The following MUC4 variants were observed in gnomAD, a reference collection of about 807,000 sequenced individuals.
The protein encoded by MUC4 is mucin 4, cell surface associated.
MUC4 carries 202 observed loss-of-function variants against 257.9 expected under a neutral mutation model. The observed-to-expected ratio is 0.78, with a 90% CI of 0.70 to 0.88. The LOEUF (loss-of-function observed/expected upper bound fraction) is 0.88. Among genes scored for constraint, MUC4 ranks in the 40% least tolerant of loss-of-function variants. MUC4 has a pLI of 0.00. For missense variants in MUC4, 5,976 were observed against 6,513.7 expected, an observed-to-expected ratio of 0.92 and a Z score of 2.84; for synonymous variants, 2,351 against 2,757.1, an observed-to-expected ratio of 0.85 and a Z score of 4.62.
chr3:195,787,747 G>GCA lies in MUC4; in HGVS notation c.3832_3833insTG (p.Thr1278MetfsTer167). On this transcript the variant is annotated frameshift_variant, in exon 2 of 25. Coordinates refer to ENST00000463781, the MANE Select transcript of MUC4 (RefSeq NM_018406.7). LOFTEE classifies it high-confidence loss of function. ...AGTGCTAGTGACAGGAAGAGGCGTGGTGTCACCTGTGGATACTGAGGAAGT... is the reference window on the plus strand; with the variant it reads ...AGTGCTAGTGACAGGAAGAGGCGTGGCATGTCACCTGTGGATACTGAGGAAGT... The GCA allele has an allele frequency of 1.8e-6, 1 of 561,532 alleles. No homozygotes were observed. The highest frequency in any genetic ancestry group is 2.7e-6 in the Non-Finnish European group (1 of 367,826). 34.8% of individuals were successfully genotyped at this position (561,532 alleles called of 1,614,324 possible). A position where few individuals can be genotyped will look rare whatever the true frequency, so the allele number is the denominator to read the frequency against.
At position 195,767,745 on chromosome 3, in the gene MUC4, TCGCCAC is replaced by T. The variant is rs1421146638; in HGVS notation, c.13530-1000_13530-995del. Among the ~76,000 whole-genome samples, 67 of 12,740 alleles carry T rather than the reference TCGCCAC, an allele frequency of 5.3e-3. 1 individual carries two copies. Among genetic ancestry groups the T allele is most frequent in the Non-Finnish European group, 7.0e-3 (49 of 6,976 alleles). The allele number at this position is 12,740 out of a possible 152,430, so 8.4% of individuals were successfully genotyped here. A position where few individuals can be genotyped will look rare whatever the true frequency, so the allele number is the denominator to read the frequency against. On this transcript the variant is annotated intron_variant, in intron 7 of 24. Coordinates refer to ENST00000463781, the MANE Select transcript of MUC4 (RefSeq NM_018406.7). Reference sequence around the variant, plus strand: ...ACCACCATCACCACCACCATCACCATCGCCACCACCACCATCACCACCACCACCACC... The same window carrying T: ...ACCACCATCACCACCACCATCACCATCACCACCATCACCACCACCACCACC...
At chr3:195,797,266 TTAAA>T (rs58592665) in intron 1 of MUC4, among the ~76,000 whole-genome samples, 4 of 149,584 alleles carry the variant, frequency 2.7e-5, no homozygotes, top group Non-Finnish European at 5.9e-5. Context: ...GGACTCTATC[TTAAA>T]TAAATAAATA....
rs552160689 is a variant in MUC4 at position 195,756,417 on chromosome 3, C to T, written c.15168+730G>A. ...GAGCTGTGGGGCGCTGTGAGAAAGA[C>T]GGAGGTGGAAGTTTCCTGCCAACCT... On this transcript the variant is annotated intron_variant, in intron 18 of 24. Transcript: ENST00000463781. 2.2e-4 allele frequency among the ~76,000 whole-genome samples: 34 copies of T among 152,338 alleles called. No individual in the cohort carries two copies. In the East Asian group the frequency reaches 5.8e-3, roughly 26 times the overall value.
rs1720198219 is a variant in MUC4, at chr3:195,765,257, AAGG to A, written c.13798+10_13798+12del. ...GGTGGGTGGGCTTGTGGGGGGCGGG[AAGG>A]AGGTGTCACCTATGCTGACGGGTTG... On this transcript the variant is annotated intron_variant, in intron 9 of 24. Transcript: ENST00000463781. The A allele has an allele frequency of 1.9e-6, 3 of 1,601,532 alleles. No homozygotes were observed. Among genetic ancestry groups the A allele is most frequent in the Non-Finnish European group, 2.6e-6 (3 of 1,171,742 alleles).
Position 195,774,190 on chromosome 3 carries a change from A to G in MUC4, c.13059T>C (p.Ser4353=), listed in dbSNP as rs774212238. The G allele has an allele frequency of 1.9e-6, 3 of 1,607,982 alleles. No homozygotes were observed. The highest frequency in any genetic ancestry group is 2.5e-6 in the Non-Finnish European group (3 of 1,177,608). Residue 4353 remains serine, a synonymous_variant, in exon 4 of 25, where the codon TCT becomes TCC. Coordinates refer to ENST00000463781, the MANE Select transcript of MUC4 (RefSeq NM_018406.7). The stretch of plus-strand genomic sequence containing the variant: ...GACTCACGTAGAGGGAATCACGGAG[A>G]GAGGAGCCAAGGGGGAAGCCAGTCG... ...KPATGFPLGS[S]LRDSLYFTDN... is the part of the protein sequence containing the mutation.
At position 195,783,004 on chromosome 3, in the gene MUC4, G is replaced by A. The variant is rs748589482; in HGVS notation, c.8576C>T (p.Thr2859Ile). ...LPVTDASSVS[T>I]GHATSLPVTD... Reference sequence around the variant, plus strand: ...GACAGGAAGAGAGGTGGCGTGACCTGTGGACACTGAGGAAGCGTCGGTGAC... The same window carrying A: ...GACAGGAAGAGAGGTGGCGTGACCTATGGACACTGAGGAAGCGTCGGTGAC... The change falls in exon 2 of 25, where the codon ACA (threonine) becomes ATA (isoleucine). Residue 2859 changes from threonine to isoleucine, a missense_variant. Around this residue, in one of 44 missense-constraint regions of MUC4, gnomAD observed 228 missense variants for 206.3 expected, o/e 1.11. Coordinates refer to ENST00000463781, the MANE Select transcript of MUC4 (RefSeq NM_018406.7). 22 of 1,501,276 alleles carry A rather than the reference G, an allele frequency of 1.5e-5. No individual in the cohort carries two copies. Among genetic ancestry groups the A allele is most frequent in the Middle Eastern group, 2.3e-4 (1 of 4,298 alleles). 93.0% of individuals were successfully genotyped at this position (1,501,276 alleles called of 1,614,324 possible).
At chr3:195,774,035 T>G in intron 4 of MUC4, 137 bp downstream of exon 4, 2 of 1,189,340 alleles carry the variant, frequency 1.7e-6, no homozygotes, top group Non-Finnish European at 2.3e-6. Flanking sequence ...AGGCCTGACA[T>G]TAAGGAGGCT....
chr3:195,746,929 T>C lies in MUC4; in HGVS notation c.*247A>G. ...GTGCACGCGCGCGTGCACAGGCTAG[T>C]GTCCTTCTGTGGGTGTGTCTGCGTG... is the stretch of plus-strand genomic sequence containing the variant. On this transcript the variant is annotated 3_prime_UTR_variant, in exon 25 of 25. Coordinates refer to ENST00000463781, the MANE Select transcript of MUC4 (RefSeq NM_018406.7). The C allele has an allele frequency of 1.6e-6, 1 of 609,644 alleles. No homozygotes were observed. 37.8% of individuals were successfully genotyped at this position (609,644 alleles called of 1,614,324 possible).
chr3:195,788,906 T>C lies in MUC4; in HGVS notation c.2674A>G (p.Thr892Ala). 6.2e-7 allele frequency: 1 copy of C among 1,613,398 alleles called. No homozygotes were observed. The highest frequency in any genetic ancestry group is 2.2e-5 in the East Asian group (1 of 44,858). The change falls in exon 2 of 25, where the codon ACT becomes GCT. Residue 892 changes from threonine (T) to alanine (A), a missense_variant. This residue lies in a region of MUC4 where 1,583 missense variants were observed against 1,257.4 expected (regional missense o/e 1.26). Transcript: ENST00000463781. ...AGRPTGQSSPTSPSASPQETA... is the reference protein window; with the variant it reads ...AGRPTGQSSPASPSASPQETA... Reference sequence around the variant, plus strand: ...TCCTGAGGAGAGGCACTGGGAGAAGTTGGGCTTGACTGTCCTGTCGGTCTC... The same window carrying C: ...TCCTGAGGAGAGGCACTGGGAGAAGCTGGGCTTGACTGTCCTGTCGGTCTC...
chr3:195,758,354 A>G (rs73205722), intron 17 of MUC4, among the ~76,000 whole-genome samples: 11,895 of 152,192 alleles, frequency 0.078, 557 homozygotes, highest in Middle Eastern at 0.21. Flanking sequence ...CTAGGTAAAC[A>G]TGGTTGCCAG....
At chr3:195,761,975 C>T (rs1719047356) in intron 14 of MUC4, 112 bp downstream of exon 14, 2 of 1,285,112 alleles carry the variant, frequency 1.6e-6, no homozygotes, top group Admixed American at 2.4e-5. Flanking sequence ...GGGTTCTGCT[C>T]CAAGGAGGCG....
chr3:195,783,158 A>T lies in MUC4; in HGVS notation c.8422T>A (p.Ser2808Thr), dbSNP rs879599895. 4.0e-5 allele frequency: 54 copies of T among 1,366,218 alleles called. No individual in the cohort carries two copies. In the East Asian group the frequency reaches 1.3e-3, roughly 32 times the overall value. The allele number at this position is 1,366,218 out of a possible 1,614,324, so 84.6% of individuals were successfully genotyped here. ...TTPLPVTDAS[S>T]VSTGHATSLP... Reference sequence around the variant, plus strand: ...GAGGTGGCGTGACCTGTGGACACTGACGAAGCGTCGGTGACAGGAAGAGGG... The same window carrying T: ...GAGGTGGCGTGACCTGTGGACACTGTCGAAGCGTCGGTGACAGGAAGAGGG... The change falls in exon 2 of 25, where the codon TCA becomes ACA. Residue 2808 changes from serine (S) to threonine (T), a missense_variant. Coordinates refer to ENST00000463781, the MANE Select transcript of MUC4 (RefSeq NM_018406.7).
At chr3:195,767,727 TCACCACCACCATCACCATCGC>T (rs1721469155) in intron 7 of MUC4, among the ~76,000 whole-genome samples, 1 of 1,646 alleles carries the variant, frequency 6.1e-4, no homozygotes, top group African/African-American at 2.6e-3. Flanking sequence ...ACCACCACCA[TCACCACCACCATCACCATCGC>T]CACCACCACC....
In MUC4 at chr3:195,790,574, A is replaced by T; in HGVS notation, c.1006T>A (p.Ser336Thr). Residue 336 changes from serine (S) to threonine (T), a missense_variant, in exon 2 of 25, where the codon TCT becomes ACT. By Grantham distance (58) the Ser-to-Thr change is moderately conservative. Coordinates refer to ENST00000463781, the MANE Select transcript of MUC4 (RefSeq NM_018406.7). ...AGGGTGTTGAGGGTGTTGATTTGAG[A>T]TACTCTGGTGGTCTCCACGCTCTGA... ...QTQSVETTRV[S>T]QINTLNTLTP... is the part of the protein sequence containing the mutation. 1 of 1,613,972 alleles carries T rather than the reference A, an allele frequency of 6.2e-7. No homozygotes were observed. Among genetic ancestry groups the T allele is most frequent in the Non-Finnish European group, 8.5e-7 (1 of 1,179,880 alleles).
At position 195,788,084 on chromosome 3, in the gene MUC4, C is replaced by T. The variant is rs761711596; in HGVS notation, c.3496G>A (p.Ala1166Thr). ...AGGCTGGTGACAGGAAGAGGGGTGG[C>T]CTGACCTGTGGATGCTGAGGAAGCA... is the stretch of plus-strand genomic sequence containing the variant. ...TDASSASTGQ[A>T]TPLPVTSLSS... The change falls in exon 2 of 25, where the codon GCC (alanine) becomes ACC (threonine). Residue 1166 changes from alanine to threonine, a missense_variant. Ala to Thr is a moderately conservative substitution (Grantham distance 58). Transcript: ENST00000463781. The T allele has an allele frequency of 5.9e-5, 87 of 1,470,068 alleles. 7 individuals are homozygous for T. Among genetic ancestry groups the T allele is most frequent in the Non-Finnish European group, 7.0e-5 (77 of 1,106,068 alleles). 91.1% of individuals were successfully genotyped at this position (1,470,068 alleles called of 1,614,324 possible).
rs1213309376 is a variant in MUC4, at chr3:195,790,374, A to C, written c.1206T>G (p.Ser402=). Residue 402 remains serine (S), a synonymous_variant, in exon 2 of 25, where the codon TCT becomes TCG. Transcript: ENST00000463781. ...ATGTCTCCTCTGTGTTTCCAAGAGT[A>C]GAGTCTCTGGAGGTTGGCATTCTGA... The part of the protein sequence containing the change: ...KVFRMPTSRD[S]TLGNTEETSL... 6.2e-7 allele frequency: 1 copy of C among 1,613,790 alleles called. No homozygotes were observed. The highest frequency in any genetic ancestry group is 2.2e-5 in the East Asian group (1 of 44,890).
chr3:195,757,881 A>G lies in MUC4; in HGVS notation c.14987-553T>C, dbSNP rs1225460663. Among the ~76,000 whole-genome samples, 1 of 152,244 alleles carries G rather than the reference A, an allele frequency of 6.6e-6. No homozygotes were observed. Among genetic ancestry groups the G allele is most frequent in the Non-Finnish European group, 1.5e-5 (1 of 68,032 alleles). ...AAAGTCTCCTTAAAACAGCAGATTGAAAGGAAGTGACAGAGAATAGACGAA... is the reference window on the plus strand; with the variant it reads ...AAAGTCTCCTTAAAACAGCAGATTGGAAGGAAGTGACAGAGAATAGACGAA... On this transcript the variant is annotated intron_variant, in intron 17 of 24. Transcript: ENST00000463781. This position sits in a 1 kb window ranked among gnomAD's most constrained non-coding sequence, Gnocchi z 4.8.
At chr3:195,798,653 G>A (rs1258158883) in intron 1 of MUC4, among the ~76,000 whole-genome samples, 3 of 152,002 alleles carry the variant, frequency 2.0e-5, no homozygotes, top group Admixed American at 6.6e-5. Context: ...GCAGTGAGCC[G>A]AGATTGCACC....
Position 195,781,610 on chromosome 3 carries a change from C to A in MUC4, c.9970G>T (p.Gly3324Cys). ...GTGACATGAAGAGGGGTGGCGTGAC[C>A]TGTGGATGCTGAGGAAGCGTCGGTG... The part of the protein sequence containing the change: ...LVTDASSAST[G>C]HATPLHVTSP... Residue 3324 changes from glycine (G) to cysteine (C), a missense_variant, in exon 2 of 25, where the codon GGT becomes TGT. Transcript: ENST00000463781. 3.7e-6 allele frequency: 2 copies of A among 533,802 alleles called. No individual in the cohort carries two copies. The allele number at this position is 533,802 out of a possible 1,614,324, so 33.1% of individuals were successfully genotyped here.
Sources: allele counts gnomAD v4.1 joint callset (sites outside exome capture counted in the v4.1 genomes callset), GRCh38; gene constraint gnomAD v4.1.1; regional missense constraint gnomAD v4.1.1; non-coding constraint Gnocchi (gnomAD v3.1); transcripts MANE v1.5; gene names NCBI Gene and HGNC (gene_info 2026-07-23, HGNC 2026-07-21).